The following EYS variants were observed in gnomAD, a reference collection of about 807,000 sequenced individuals.
EYS encodes EGF-like photoreceptor maintenance factor.
A neutral mutation model predicts 282.1 loss-of-function variants in EYS; 250 were observed. The observed-to-expected ratio is 0.89, with a 90% CI of 0.80 to 0.98. The LOEUF (loss-of-function observed/expected upper bound fraction) is 0.98. Among genes scored for constraint, EYS ranks in the 50% least tolerant of loss-of-function variants. The pLI is 0.00. For synonymous variants in EYS, 1,355 were observed against 1,282.9 expected (o/e 1.06, Z -1.20); for missense variants, 4,016 against 3,709.0 (o/e 1.08, Z -2.15).
chr6:64,786,707 AAATCTTAC>A (rs1774032797), intron 22 of EYS, among the ~76,000 whole-genome samples: 1 of 152,180 alleles, frequency 6.6e-6, no homozygotes, highest in African/African-American at 2.4e-5. Context: ...TGTTATCTGT[AAATCTTAC>A]ACCCTTCTTT....
intron 12 of EYS, among the ~76,000 whole-genome samples, chr6:65,278,584 T>C (rs1768128758): frequency 6.6e-6 from 1 of 151,884 alleles, no homozygotes; most frequent in South Asian, 2.1e-4. Context: ...GTGGCATAAA[T>C]GTATTCACCC....
chr6:65,388,285 A>C (rs1292088104), intron 7 of EYS, among the ~76,000 whole-genome samples: 1 of 152,030 alleles, frequency 6.6e-6, no homozygotes, highest in Non-Finnish European at 1.5e-5. Flanking sequence ...ACCTATTAAA[A>C]CAGCAACTCC....
intron 2 of EYS, among the ~76,000 whole-genome samples, chr6:65,499,578 TTAGAAA>T (rs1431489920): frequency 2.6e-5 from 4 of 151,832 alleles, no homozygotes; most frequent in African/African-American, 9.7e-5. Context: ...AAGAGGAAAA[TTAGAAA>T]TAGAAGAGAT....
At chr6:63,741,969 A>C (rs1769087026) in intron 41 of EYS, 1 of 702,364 alleles carries the variant, frequency 1.4e-6, no homozygotes, top group East Asian at 2.7e-5. Flanking sequence ...CACAATGAGG[A>C]TAAGTGCTAA....
chr6:64,343,104 A>C (rs565163724), intron 29 of EYS, among the ~76,000 whole-genome samples: 40 of 152,182 alleles, frequency 2.6e-4, no homozygotes, highest in Non-Finnish European at 4.7e-4. Flanking sequence ...CACAATAATA[A>C]TGGGAGACTT....
At chr6:64,664,464 CTG>C (rs1368074132) in intron 22 of EYS, among the ~76,000 whole-genome samples, 1 of 152,146 alleles carries the variant, frequency 6.6e-6, no homozygotes, top group Non-Finnish European at 1.5e-5. Flanking sequence ...CCAGCTAGTC[CTG>C]TCTCTCAATA....
intron 13 of EYS, among the ~76,000 whole-genome samples, chr6:65,048,578 T>TA (rs1773172788): frequency 6.6e-6 from 1 of 151,904 alleles, no homozygotes; most frequent in South Asian, 2.1e-4. Context: ...ACTGGTGATT[T>TA]ATAAAACGAT....
chr6:65,537,857 T>A (rs1768019491), intron 2 of EYS, among the ~76,000 whole-genome samples: 1 of 152,198 alleles, frequency 6.6e-6, no homozygotes, highest in African/African-American at 2.4e-5. Flanking sequence ...CAGATTGGAC[T>A]TTGCTGATAG....
intron 29 of EYS, among the ~76,000 whole-genome samples, chr6:64,314,119 A>T (rs571838432): frequency 6.2e-5 from 9 of 145,952 alleles, no homozygotes; most frequent in African/African-American, 2.3e-4. Flanking sequence ...TATTCAGGAG[A>T]CCCATTTCAT....
At chr6:64,897,938 A>C (rs1467538316) in intron 18 of EYS, among the ~76,000 whole-genome samples, 1 of 152,210 alleles carries the variant, frequency 6.6e-6, no homozygotes, top group East Asian at 1.9e-4. Flanking sequence ...CAAAGTCTCC[A>C]AGAAATATGG....
intron 28 of EYS, among the ~76,000 whole-genome samples, chr6:64,397,849 C>T (rs1475921628): frequency 6.6e-6 from 1 of 151,808 alleles, no homozygotes; most frequent in Non-Finnish European, 1.5e-5. Context: ...CTAACATGCG[C>T]TTTCAGGATA....
intron 31 of EYS, among the ~76,000 whole-genome samples, chr6:64,153,469 A>G (rs977705843): frequency 1.3e-5 from 2 of 152,208 alleles, no homozygotes; most frequent in African/African-American, 4.8e-5. Context: ...ATTGGAATAC[A>G]CTATTTTTAT....
intron 14 of EYS, among the ~76,000 whole-genome samples, chr6:64,950,800 T>TATATAA (rs1168490425): frequency 1.4e-5 from 1 of 73,388 alleles, no homozygotes; most frequent in African/African-American, 5.5e-5. Context: ...TACATATACA[T>TATATAA]ATATATATAT....
chr6:64,801,059 A>C (rs1179404530), intron 22 of EYS, among the ~76,000 whole-genome samples: 1 of 152,014 alleles, frequency 6.6e-6, no homozygotes, highest in Non-Finnish European at 1.5e-5. Flanking sequence ...AACTAATTCT[A>C]CTTCAATTTT....
chr6:65,164,171 A>G (rs758438948), intron 12 of EYS, among the ~76,000 whole-genome samples: 13 of 151,556 alleles, frequency 8.6e-5, no homozygotes, highest in East Asian at 2.0e-4. Context: ...TGTAAACTGC[A>G]TATTTGCAAG....
chr6:64,506,258 T>C (rs1051607315), intron 26 of EYS, among the ~76,000 whole-genome samples: 4 of 152,196 alleles, frequency 2.6e-5, no homozygotes, highest in African/African-American at 9.6e-5. Flanking sequence ...ATTAATATTT[T>C]CATTATGAAA....
intron 2 of EYS, among the ~76,000 whole-genome samples, chr6:65,576,189 G>T (rs1054917568): frequency 1.1e-4 from 17 of 151,974 alleles, no homozygotes; most frequent in Admixed American, 9.8e-4. Flanking sequence ...CAAAATAACA[G>T]CAAAAAGATT....
intron 35 of EYS, among the ~76,000 whole-genome samples, chr6:63,970,316 G>T (rs924044033): frequency 6.6e-6 from 1 of 152,176 alleles, no homozygotes; most frequent in Non-Finnish European, 1.5e-5. Context: ...TGTCCATGAA[G>T]CTGGCCATGG....
chr6:64,020,185 T>G (rs1328718589), intron 33 of EYS, among the ~76,000 whole-genome samples: 3 of 152,106 alleles, frequency 2.0e-5, no homozygotes, highest in Non-Finnish European at 4.4e-5. Context: ...AACAATGAAT[T>G]GCATTTTTCA....
Sources: gnomAD v4.1 joint callset for allele counts (sites outside exome capture counted in the v4.1 genomes callset) on GRCh38, gnomAD v4.1.1 for gene constraint, MANE v1.5 for transcripts, NCBI Gene and HGNC (gene_info 2026-07-23, HGNC 2026-07-21) for gene names.